The following EVA1C variants were observed in gnomAD, a reference collection of about 807,000 sequenced individuals.
EVA1C encodes the protein protein eva-1 homolog C.
In EVA1C, 25 loss-of-function variants were observed where a neutral mutation model predicts 45.4. That is an observed-to-expected ratio of 0.55 (90% confidence interval 0.40 to 0.77). The LOEUF is 0.77. Ranked by LOEUF, EVA1C falls within the 30% of genes least tolerant of loss-of-function variation. The pLI is 0.00. For missense variants in EVA1C, 479 were observed against 554.8 expected (o/e 0.86, Z 1.37); for synonymous variants, 190 against 221.2 (o/e 0.86, Z 1.25).
At chr21:32,480,953 T>C (rs1056973469) in intron 4 of EVA1C, among the ~76,000 whole-genome samples, 35 of 148,450 alleles carry the variant, frequency 2.4e-4, no homozygotes, top group African/African-American at 7.8e-4. Context: ...ACAGAGCAAG[T>C]GCCGTCTCAA....
chr21:32,460,720 G>A (rs1276326941), intron 3 of EVA1C, among the ~76,000 whole-genome samples: 1 of 151,924 alleles, frequency 6.6e-6, no homozygotes, highest in East Asian at 1.9e-4. Flanking sequence ...TTCATGGAGA[G>A]GCACTTGGTA....
Position 32,412,829 on chromosome 21 carries a change from C to A in EVA1C, c.-25C>A, listed in dbSNP as rs1018573243. 1.4e-6 allele frequency: 2 copies of A among 1,401,350 alleles called. No individual in the cohort carries two copies. Among genetic ancestry groups the A allele is most frequent in the South Asian group, 1.6e-5 (1 of 63,560 alleles). 86.8% of individuals were successfully genotyped at this position (1,401,350 alleles called of 1,614,324 possible). On this transcript the variant is annotated 5_prime_UTR_variant, in exon 1 of 8. Coordinates refer to ENST00000300255, the MANE Select transcript of EVA1C (RefSeq NM_058187.5). ...ACCCCCAGCGCGTCCCGGGCCTGCG[C>A]CTCCGCCCCGCCGCGCAGCGCACGA...
intron 1 of EVA1C, among the ~76,000 whole-genome samples, chr21:32,440,821 C>T (rs1387688453): frequency 8.5e-5 from 13 of 152,170 alleles, no homozygotes. Context: ...GTTCATTGGG[C>T]CAGGCGCAGT....
upstream of EVA1C, chr21:32,412,648 C>A: frequency 4.7e-6 from 2 of 424,338 alleles, no homozygotes; most frequent in Non-Finnish European, 8.2e-6. Context: ...ATCCTCGCCC[C>A]GCCCCAGTTC....
At chr21:32,442,784 C>T (rs549218091) in intron 1 of EVA1C, among the ~76,000 whole-genome samples, 25 of 151,610 alleles carry the variant, frequency 1.6e-4, no homozygotes, top group African/African-American at 5.1e-4. Flanking sequence ...TTTAGCACAC[C>T]GATGTGGGGC....
intron 1 of EVA1C, among the ~76,000 whole-genome samples, chr21:32,429,232 G>A (rs757112256): frequency 8.5e-5 from 13 of 152,172 alleles, no homozygotes; most frequent in Non-Finnish European, 1.5e-4. Context: ...GTATAGACGG[G>A]ATTTCACCAT....
chr21:32,514,876 C>A lies in EVA1C; in HGVS notation c.1012C>A (p.Leu338Met). Residue 338 changes from leucine (L) to methionine (M), a missense_variant, in exon 8 of 8, where the codon CTG becomes ATG. Around this residue, in one of 3 missense-constraint regions of EVA1C, gnomAD observed 366 missense variants for 426.1 expected, o/e 0.86. Transcript: ENST00000300255. The part of the protein sequence containing the change: ...SSVCIGLALT[L>M]CALVIRESCA... Reference sequence around the variant, plus strand: ...TGTCTGCATCGGCCTGGCCCTCACACTGTGCGCCCTGGTCATCAGAGAGTC... The same window carrying A: ...TGTCTGCATCGGCCTGGCCCTCACAATGTGCGCCCTGGTCATCAGAGAGTC... The A allele has an allele frequency of 6.2e-7, 1 of 1,613,056 alleles. No homozygotes were observed.
At chr21:32,504,289 C>T (rs909114726) in intron 7 of EVA1C, among the ~76,000 whole-genome samples, 8 of 152,134 alleles carry the variant, frequency 5.3e-5, no homozygotes, top group African/African-American at 1.9e-4. Context: ...AAAGTAGAAA[C>T]CCGAGGAATG....
chr21:32,502,006 T>TTCTTTC (rs1184586152), intron 6 of EVA1C, among the ~76,000 whole-genome samples: 1 of 120,426 alleles, frequency 8.3e-6, no homozygotes. Flanking sequence ...CTTTCTTTCT[T>TTCTTTC]TCTTTCTTTC....
chr21:32,447,532 CT>C (rs34802666), intron 1 of EVA1C, among the ~76,000 whole-genome samples: 71,218 of 147,242 alleles, frequency 0.48, 17,248 homozygotes, highest in Admixed American at 0.58. Context: ...CTATGTTTCT[CT>C]TTTTTTTTTT....
chr21:32,454,300 T>C (rs1311341269), intron 2 of EVA1C, among the ~76,000 whole-genome samples: 1 of 152,202 alleles, frequency 6.6e-6, no homozygotes, highest in African/African-American at 2.4e-5. Flanking sequence ...TTTTAATGAT[T>C]TGCTTCTTCA....
chr21:32,460,173 C>T (rs1017604743), intron 3 of EVA1C, among the ~76,000 whole-genome samples: 4 of 152,130 alleles, frequency 2.6e-5, no homozygotes, highest in Non-Finnish European at 2.9e-5. Context: ...CCCTGAGTGG[C>T]GGTTCTATCG....
At chr21:32,433,719 T>C (rs1157741127) in intron 1 of EVA1C, among the ~76,000 whole-genome samples, 1 of 152,092 alleles carries the variant, frequency 6.6e-6, no homozygotes, top group East Asian at 1.9e-4. Flanking sequence ...TTGAATTGCA[T>C]TCCCTCTCCC....
chr21:32,449,627 G>GTTTTT (rs59516994), intron 1 of EVA1C, among the ~76,000 whole-genome samples: 1 of 142,866 alleles, frequency 7.0e-6, no homozygotes, highest in Non-Finnish European at 1.5e-5. Flanking sequence ...TTTTTGTTTT[G>GTTTTT]TTTTTTTTTT....
At chr21:32,444,470 T>C (rs1356167922) in intron 1 of EVA1C, among the ~76,000 whole-genome samples, 3 of 152,084 alleles carry the variant, frequency 2.0e-5, no homozygotes, top group African/African-American at 7.2e-5. Flanking sequence ...ATAAAGGCTA[T>C]TACAAAGGAT....
chr21:32,445,458 T>C (rs976196422), intron 1 of EVA1C, among the ~76,000 whole-genome samples: 1 of 152,202 alleles, frequency 6.6e-6, no homozygotes, highest in African/African-American at 2.4e-5. Flanking sequence ...TTTATCTTTG[T>C]AGCCGTCTTA....
At position 32,485,884 on chromosome 21, in the gene EVA1C, G is replaced by A. The variant is rs184196866; in HGVS notation, c.635-9143G>A. Among the ~76,000 whole-genome samples the A allele has an allele frequency of 2.6e-5, 4 of 152,296 alleles. No individual in the cohort carries two copies. The East Asian group carries it at 7.7e-4, about 29-fold the overall frequency. On this transcript the variant is annotated intron_variant, in intron 4 of 7. Transcript: ENST00000300255. ...CCACTCAGTGGCTTAACCCAGTAAA[G>A]GTTTATTTCTTGGTCATATCACAGT...
At chr21:32,449,993 T>C (rs2035519918) in intron 1 of EVA1C, among the ~76,000 whole-genome samples, 1 of 152,196 alleles carries the variant, frequency 6.6e-6, no homozygotes, top group Non-Finnish European at 1.5e-5. Context: ...GTCTTCTTTG[T>C]ACTTGGAATG....
At chr21:32,456,001 T>C (rs112061190) in intron 2 of EVA1C, among the ~76,000 whole-genome samples, 16,543 of 152,206 alleles carry the variant, frequency 0.11, 1,050 homozygotes, top group Middle Eastern at 0.24. Flanking sequence ...CAAGCAATTC[T>C]CCTGCCTCAG....
Sources: gnomAD v4.1 joint callset for allele counts (sites outside exome capture counted in the v4.1 genomes callset) on GRCh38, gnomAD v4.1.1 for gene constraint, gnomAD v4.1.1 regional missense constraint, MANE v1.5 for transcripts, NCBI Gene and HGNC (gene_info 2026-07-23, HGNC 2026-07-21) for gene names.